Variants in SUDS3 observed in about 807,000 individuals in gnomAD.
SUDS3 encodes SIN3A corepressor complex component SDS3.
Under a neutral mutation model 53.5 loss-of-function variants are expected in SUDS3, and 23 were observed. The ratio of observed to expected loss-of-function variants is 0.43; its 90% CI spans 0.31 to 0.61. The LOEUF (loss-of-function observed/expected upper bound fraction) is 0.61. Among genes scored for constraint, SUDS3 ranks in the 20% least tolerant of loss-of-function variants. The pLI is 0.10. For synonymous variants in SUDS3, 150 were observed against 148.5 expected (o/e 1.01, Z -0.08); for missense variants, 291 against 405.9 (o/e 0.72, Z 2.43).
At chr12:118,390,161 A>G (rs1169929260) in intron 5 of SUDS3, among the ~76,000 whole-genome samples, 4 of 152,096 alleles carry the variant, frequency 2.6e-5, no homozygotes, top group Non-Finnish European at 5.9e-5. Context: ...AATAAGGAAT[A>G]CTCATCCCTA....
chr12:118,377,524 C>G (rs991133331), intron 1 of SUDS3, among the ~76,000 whole-genome samples: 1 of 150,702 alleles, frequency 6.6e-6, no homozygotes, highest in South Asian at 2.1e-4. Flanking sequence ...CACCCGCCCC[C>G]CTCCCGGAAA....
chr12:118,384,830 TC>T (rs1369186796), intron 3 of SUDS3, among the ~76,000 whole-genome samples: 1 of 145,534 alleles, frequency 6.9e-6, no homozygotes, highest in Non-Finnish European at 1.5e-5. Context: ...AGACTCAGTC[TC>T]AAAAAAAAAA....
In SUDS3 at chr12:118,376,844, C is replaced by T; in HGVS notation, c.142+11C>T. The T allele has an allele frequency of 1.3e-6, 2 of 1,522,422 alleles. No individual in the cohort carries two copies. Among genetic ancestry groups the T allele is most frequent in the South Asian group, 2.4e-5 (2 of 81,914 alleles). 94.3% of individuals were successfully genotyped at this position (1,522,422 alleles called of 1,614,324 possible). On this transcript the variant is annotated intron_variant, in intron 1 of 11. Coordinates refer to ENST00000543473, the MANE Select transcript of SUDS3 (RefSeq NM_022491.3). Reference sequence around the variant, plus strand: ...GCGAGTCGGACGAAGGTGAGTCCTGCCGCTCGCCCGGCCGCCCGGAGCGGA... The same window carrying T: ...GCGAGTCGGACGAAGGTGAGTCCTGTCGCTCGCCCGGCCGCCCGGAGCGGA...
Position 118,376,719 on chromosome 12 carries a change from G to A in SUDS3, c.28G>A (p.Ala10Thr), listed in dbSNP as rs747666799. 7 of 1,522,982 alleles carry A rather than the reference G, an allele frequency of 4.6e-6. No individual in the cohort carries two copies. Among genetic ancestry groups the A allele is most frequent in the South Asian group, 2.4e-5 (2 of 82,042 alleles). The allele number at this position is 1,522,982 out of a possible 1,614,324, so 94.3% of individuals were successfully genotyped here. The change falls in exon 1 of 12, where the codon GCC becomes ACC. Residue 10 changes from alanine (A) to threonine (T), a missense_variant. By Grantham distance (58) the Ala-to-Thr change is moderately conservative. This residue lies in a region of SUDS3 where 149 missense variants were observed against 146.5 expected (regional missense o/e 1.02). Transcript: ENST00000543473. The stretch of plus-strand genomic sequence containing the variant: ...GAGTGCCGCGGGGCTGCTGGCCCCG[G>A]CCCCGGCCCAGGCTGGAGCGCCGCC... MSAAGLLAP[A>T]PAQAGAPPAP... is the part of the protein sequence containing the mutation.
intron 1 of SUDS3, among the ~76,000 whole-genome samples, chr12:118,379,012 A>C (rs946376843): frequency 5.3e-5 from 8 of 151,578 alleles, no homozygotes; most frequent in African/African-American, 1.9e-4. Context: ...GGGTTTCACC[A>C]CGTTGGCCAG....
intron 10 of SUDS3, among the ~76,000 whole-genome samples, chr12:118,406,676 A>G (rs1420404172): frequency 6.6e-6 from 1 of 150,870 alleles, no homozygotes; most frequent in Non-Finnish European, 1.5e-5. Flanking sequence ...TCAGCAGCTG[A>G]GTTGCAGCTT....
intron 5 of SUDS3, 97 bp downstream of exon 5, chr12:118,390,043 A>G (rs1371269303): frequency 2.1e-6 from 3 of 1,449,788 alleles, no homozygotes; most frequent in Admixed American, 3.4e-5. Context: ...CCAAGTAGAT[A>G]GTTTGGAAGC....
At chr12:118,386,934 C>A (rs1017553955) in intron 4 of SUDS3, among the ~76,000 whole-genome samples, 6 of 152,312 alleles carry the variant, frequency 3.9e-5, no homozygotes, top group Non-Finnish European at 8.8e-5. Flanking sequence ...CGCTCATCAT[C>A]AGCCAGCAGT....
At chr12:118,392,332 G>A (rs1214670018) in intron 6 of SUDS3, among the ~76,000 whole-genome samples, 3 of 152,058 alleles carry the variant, frequency 2.0e-5, no homozygotes, top group Admixed American at 2.0e-4. Flanking sequence ...TATATTCCTG[G>A]TGCTGTGAAC....
chr12:118,391,105 C>T, intron 5 of SUDS3, 21 bp from the exon 6 acceptor site: 2 of 1,611,400 alleles, frequency 1.2e-6, no homozygotes, highest in Non-Finnish European at 1.7e-6. Flanking sequence ...TACTCCCAGC[C>T]CGTGTTTCTC....
intron 5 of SUDS3, among the ~76,000 whole-genome samples, chr12:118,390,634 A>G (rs1291802319): frequency 3.9e-5 from 6 of 152,198 alleles, no homozygotes; most frequent in Non-Finnish European, 8.8e-5. Flanking sequence ...CCCCTATGTC[A>G]GTCACCACAA....
intron 2 of SUDS3, among the ~76,000 whole-genome samples, chr12:118,381,819 A>G (rs928297484): frequency 2.6e-5 from 4 of 152,180 alleles, no homozygotes; most frequent in Non-Finnish European, 5.9e-5. Flanking sequence ...TTTAGCGTAC[A>G]CCCAGATGGA....
intron 6 of SUDS3, among the ~76,000 whole-genome samples, chr12:118,396,111 G>C (rs1438249230): frequency 6.6e-6 from 1 of 152,198 alleles, no homozygotes; most frequent in Non-Finnish European, 1.5e-5. Context: ...TGCTAGGATT[G>C]CTCTGGGCTG....
At chr12:118,386,055 C>A in intron 3 of SUDS3, 59 bp from the exon 4 acceptor site, 1 of 1,362,642 alleles carries the variant, frequency 7.3e-7, no homozygotes, top group Non-Finnish European at 1.0e-6. Context: ...TTTTAGGAAG[C>A]AAAATGTAGA....
At position 118,417,024 on chromosome 12, in the gene SUDS3, A is replaced by G. The variant is rs2046406848; in HGVS notation, c.*2591A>G. 2 of 152,142 alleles carry G rather than the reference A, an allele frequency of 1.3e-5. No individual in the cohort carries two copies. Among genetic ancestry groups the G allele is most frequent in the South Asian group, 4.1e-4 (2 of 4,822 alleles). 9.4% of individuals were successfully genotyped at this position (152,142 alleles called of 1,614,324 possible). On this transcript the variant is annotated 3_prime_UTR_variant, in exon 12 of 12. Coordinates refer to ENST00000543473, the MANE Select transcript of SUDS3 (RefSeq NM_022491.3). ...ACAGTGTTTGCTGCGGGTGTGTTCC[A>G]ATATTCATTTTACCTCTGCTTGGGG...
chr12:118,412,572 TAGAG>T (rs1398713094), intron 11 of SUDS3, among the ~76,000 whole-genome samples: 3 of 152,294 alleles, frequency 2.0e-5, no homozygotes, highest in South Asian at 2.1e-4. Context: ...GGGAAGCTAA[TAGAG>T]AGACCTGGTC....
intron 6 of SUDS3, among the ~76,000 whole-genome samples, chr12:118,399,618 G>T (rs886767112): frequency 4.6e-5 from 7 of 152,182 alleles, no homozygotes; most frequent in African/African-American, 1.7e-4. Context: ...GACCACTGAA[G>T]GCCGTGGAGG....
chr12:118,407,757 C>T (rs767422874), intron 10 of SUDS3, among the ~76,000 whole-genome samples: 3 of 146,154 alleles, frequency 2.1e-5, no homozygotes, highest in Non-Finnish European at 3.0e-5. Flanking sequence ...CTCGCTCTGT[C>T]GCCCAGGCTG....
intron 6 of SUDS3, among the ~76,000 whole-genome samples, chr12:118,392,821 A>G (rs988839051): frequency 5.9e-5 from 9 of 152,214 alleles, no homozygotes; most frequent in Admixed American, 5.9e-4. Context: ...GGGAACGGGT[A>G]TCATCACCTT....
Sources: gnomAD v4.1 joint callset for allele counts (sites outside exome capture counted in the v4.1 genomes callset) on GRCh38, gnomAD v4.1.1 for gene constraint, gnomAD v4.1.1 regional missense constraint, MANE v1.5 for transcripts, NCBI Gene and HGNC (gene_info 2026-07-23, HGNC 2026-07-21) for gene names.